The following LRRC4C variants were observed in gnomAD, a reference collection of about 807,000 sequenced individuals.
LRRC4C encodes leucine rich repeat containing 4C, also known as leucine-rich repeat-containing protein 4C.
LRRC4C carries 5 observed loss-of-function variants against 33.6 expected under a neutral mutation model. The ratio of observed to expected loss-of-function variants is 0.15; its 90% CI spans 0.08 to 0.31. The LOEUF (loss-of-function observed/expected upper bound fraction) is 0.31, where lower values mean the gene tolerates loss of function less well. Among genes scored for constraint, LRRC4C ranks in the 10% least tolerant of loss-of-function variants. LRRC4C has a pLI of 1.00. For missense variants in LRRC4C, 560 were observed against 796.7 expected, an observed-to-expected ratio of 0.70 and a Z score of 3.58; for synonymous variants, 329 against 302.0, an observed-to-expected ratio of 1.09 and a Z score of -0.93.
At chr11:41,320,478 C>T (rs928255836) in intron 1 of LRRC4C, among the ~76,000 whole-genome samples, 1 of 152,188 alleles carries the variant, frequency 6.6e-6, no homozygotes, top group African/African-American at 2.4e-5. Flanking sequence ...AAATAGATGT[C>T]TATGGTGCAT....
intron 1 of LRRC4C, among the ~76,000 whole-genome samples, chr11:41,436,501 C>G (rs1308263984): frequency 1.3e-5 from 2 of 152,198 alleles, no homozygotes; most frequent in Non-Finnish European, 2.9e-5. Flanking sequence ...AGAGGCTACA[C>G]AAATTCTTGA....
chr11:40,315,926 C>A (rs1945551841), intron 4 of LRRC4C, among the ~76,000 whole-genome samples: 1 of 151,926 alleles, frequency 6.6e-6, no homozygotes, highest in African/African-American at 2.4e-5. Context: ...TTACAATCTC[C>A]CTGAGTAGGG....
intron 2 of LRRC4C, among the ~76,000 whole-genome samples, chr11:40,854,168 T>C (rs1166822253): frequency 2.6e-5 from 4 of 152,162 alleles, no homozygotes; most frequent in Non-Finnish European, 2.9e-5. Context: ...TTTTTCTGGA[T>C]CCAAGAAGCA....
chr11:40,220,255 GAA>G (rs1248865800), intron 5 of LRRC4C, among the ~76,000 whole-genome samples: 1 of 152,144 alleles, frequency 6.6e-6, no homozygotes, highest in Non-Finnish European at 1.5e-5. Context: ...ATTTATGACA[GAA>G]AAGTCTGTCG....
At chr11:41,094,494 A>T (rs1170091890) in intron 1 of LRRC4C, among the ~76,000 whole-genome samples, 1 of 152,210 alleles carries the variant, frequency 6.6e-6, no homozygotes, top group Non-Finnish European at 1.5e-5. Context: ...ACTGCACTCC[A>T]GCCTGGACAA....
intron 5 of LRRC4C, among the ~76,000 whole-genome samples, chr11:40,226,824 T>C (rs1363396397): frequency 6.6e-6 from 1 of 152,218 alleles, no homozygotes; most frequent in Non-Finnish European, 1.5e-5. Context: ...TATGTACATA[T>C]ACAAGCTGCA....
At chr11:41,022,399 A>G (rs1856047872) in intron 1 of LRRC4C, among the ~76,000 whole-genome samples, 1 of 151,888 alleles carries the variant, frequency 6.6e-6, no homozygotes, top group Admixed American at 6.6e-5. Context: ...TACCTGGGTT[A>G]GGGTAAGCAA....
chr11:41,132,492 G>T (rs1251896980), intron 1 of LRRC4C, among the ~76,000 whole-genome samples: 1 of 152,076 alleles, frequency 6.6e-6, no homozygotes, highest in Non-Finnish European at 1.5e-5. Context: ...GATGATGCTT[G>T]CAGAGTATTT....
chr11:41,444,223 C>A (rs1955747591), intron 1 of LRRC4C, among the ~76,000 whole-genome samples: 1 of 152,136 alleles, frequency 6.6e-6, no homozygotes, highest in South Asian at 2.1e-4. Flanking sequence ...TGGATTCAGC[C>A]AACCACAGAT....
At chr11:40,540,875 G>A (rs553779226) in intron 3 of LRRC4C, among the ~76,000 whole-genome samples, 1 of 152,154 alleles carries the variant, frequency 6.6e-6, no homozygotes, top group South Asian at 2.1e-4. Flanking sequence ...TGCACTAGAA[G>A]CCACGTATTA....
chr11:40,489,667 A>C (rs1350379714), intron 3 of LRRC4C, among the ~76,000 whole-genome samples: 5 of 152,060 alleles, frequency 3.3e-5, no homozygotes, highest in African/African-American at 7.2e-5. Flanking sequence ...GCTCACAATA[A>C]ATGGAACCCC....
At position 41,342,543 on chromosome 11, in the gene LRRC4C, C is replaced by T. The variant is rs183598229; in HGVS notation, c.-496+116888G>A. On this transcript the variant is annotated intron_variant, in intron 1 of 6. Transcript: ENST00000528697. ...CAGCCTGATCAACATGGCAAAACCC[C>T]GTGTCTACTAAAAATACAAACATTA... is the stretch of plus-strand genomic sequence containing the variant. Among the ~76,000 whole-genome samples, 266 of 152,040 alleles carry T rather than the reference C, an allele frequency of 1.7e-3. 1 individual carries two copies. The highest frequency in any genetic ancestry group is 9.1e-4 in the Non-Finnish European group (62 of 67,968).
intron 2 of LRRC4C, among the ~76,000 whole-genome samples, chr11:40,729,757 A>G (rs897969044): frequency 2.6e-5 from 4 of 152,184 alleles, no homozygotes; most frequent in Admixed American, 2.6e-4. Context: ...ACACCTTCAC[A>G]CACGATCATT....
At position 41,028,570 on chromosome 11, in the gene LRRC4C, GACACACACACACAC is replaced by G. The variant is rs57827895; in HGVS notation, c.-495-94861_-495-94848del. On this transcript the variant is annotated intron_variant, in intron 1 of 6. Transcript: ENST00000528697. ...AACAGGACATATTTTTAGTATTCAC[GACACACACACACAC>G]ACACACACACACACACACACACTGA... is the stretch of plus-strand genomic sequence containing the variant. Among the ~76,000 whole-genome samples, 614 of 147,430 alleles carry G rather than the reference GACACACACACACAC, an allele frequency of 4.2e-3. 4 individuals are homozygous for G. Among genetic ancestry groups the G allele is most frequent in the African/African-American group, 0.015 (583 of 40,090 alleles).
In LRRC4C at chr11:40,932,913, T is replaced by C. The variant is rs138528208; in HGVS notation, c.-407+722A>G. On this transcript the variant is annotated intron_variant, in intron 2 of 6. Transcript: ENST00000528697. ...TCCAAGAGGTATGAGCAAACAGACA[T>C]GATTCTTGCCTGCATAGAATATTTG... Among the ~76,000 whole-genome samples the C allele has an allele frequency of 7.9e-5, 12 of 152,310 alleles. No homozygotes were observed. The East Asian group carries it at 2.3e-3, about 29-fold the overall frequency.
chr11:40,838,954 T>A (rs1013702832), intron 2 of LRRC4C, among the ~76,000 whole-genome samples: 8 of 152,132 alleles, frequency 5.3e-5, no homozygotes, highest in Non-Finnish European at 1.0e-4. Context: ...GATTTAAGAA[T>A]GATAATGAAT....
At chr11:40,718,782 A>G (rs914262465) in intron 2 of LRRC4C, among the ~76,000 whole-genome samples, 3 of 152,218 alleles carry the variant, frequency 2.0e-5, no homozygotes, top group African/African-American at 7.2e-5. Flanking sequence ...CAACATGGAT[A>G]CAGACATCTC....
chr11:40,472,177 G>A (rs1952976362), intron 3 of LRRC4C, among the ~76,000 whole-genome samples: 1 of 152,126 alleles, frequency 6.6e-6, no homozygotes, highest in Non-Finnish European at 1.5e-5. Context: ...CTACTTGGGA[G>A]GCTGAGGCAG....
At chr11:40,796,635 C>CT (rs1188389556) in intron 2 of LRRC4C, among the ~76,000 whole-genome samples, 13,410 of 104,938 alleles carry the variant, frequency 0.13, 1,231 homozygotes, top group African/African-American at 0.19. Flanking sequence ...AAGCAGAACT[C>CT]TTTTTTTTTT....
Sources: allele counts gnomAD v4.1 joint callset (sites outside exome capture counted in the v4.1 genomes callset), GRCh38; gene constraint gnomAD v4.1.1; transcripts MANE v1.5; gene names NCBI Gene and HGNC (gene_info 2026-07-23, HGNC 2026-07-21).